NKIRAS1: variants seen among roughly 807,000 people sequenced by gnomAD.
NKIRAS1 encodes NFKB inhibitor interacting Ras like 1, also known as NF-kappa-B inhibitor-interacting Ras-like protein 1.
In NKIRAS1, 16 loss-of-function variants were observed where a neutral mutation model predicts 19.8. That is an observed-to-expected ratio of 0.81 (90% CI 0.55 to 1.23). The LOEUF is 1.23. Among genes scored for constraint, NKIRAS1 ranks in the 50% most tolerant of loss-of-function variants. NKIRAS1 has a pLI of 0.00. For synonymous variants in NKIRAS1, 88 were observed against 79.0 expected (o/e 1.11, Z -0.61); for missense variants, 184 against 220.0 (o/e 0.84, Z 1.04).
intron 3 of NKIRAS1, among the ~76,000 whole-genome samples, chr3:23,906,889 TTTTTGTTTTG>T (rs574076153): frequency 7.9e-5 from 12 of 151,950 alleles, no homozygotes; most frequent in Admixed American, 5.9e-4. Context: ...TTAAAGCAGG[TTTTTGTTTTG>T]TTTTGTTTTG....
Position 23,910,928 on chromosome 3 carries a change from A to G in NKIRAS1, c.-17-7T>C. On this transcript the variant is annotated splice_polypyrimidine_tract_variant and splice_region_variant and intron_variant, in intron 2 of 4. Transcript: ENST00000425478. ...ATCTTCTCTCAGGATATCACTGTGG[A>G]GAGAATAACAGGTCTTTTAAATTGT... The G allele has an allele frequency of 6.3e-7, 1 of 1,578,154 alleles. No homozygotes were observed. The highest frequency in any genetic ancestry group is 8.7e-7 in the Non-Finnish European group (1 of 1,147,400).
chr3:23,930,428 T>C (rs547753954), intron 1 of NKIRAS1, among the ~76,000 whole-genome samples: 6 of 150,456 alleles, frequency 4.0e-5, no homozygotes, highest in Admixed American at 6.7e-5. Context: ...AAACCCTCCA[T>C]TGATTTTGAA....
At chr3:23,897,051 T>C (rs1702064979) in intron 4 of NKIRAS1, among the ~76,000 whole-genome samples, 1 of 151,270 alleles carries the variant, frequency 6.6e-6, no homozygotes, top group African/African-American at 2.4e-5. Flanking sequence ...TGCAAAAAAA[T>C]AAAAATAAAA....
chr3:23,932,766 AG>A (rs1192703126), intron 1 of NKIRAS1, among the ~76,000 whole-genome samples: 4 of 151,866 alleles, frequency 2.6e-5, no homozygotes, highest in Non-Finnish European at 4.4e-5. Context: ...TGCCTCTCAT[AG>A]GAAAGAGCAA....
chr3:23,907,173 C>G (rs918968576), intron 3 of NKIRAS1, among the ~76,000 whole-genome samples: 2 of 152,186 alleles, frequency 1.3e-5, no homozygotes, highest in African/African-American at 4.8e-5. Context: ...GGATTACAGG[C>G]GTGAGCCACC....
At chr3:23,920,843 ACAAAT>A, upstream of NKIRAS1, 1 of 888,408 alleles carries the variant, frequency 1.1e-6, no homozygotes, top group Non-Finnish European at 1.3e-6. Flanking sequence ...TTAAACTAAA[ACAAAT>A]GGACCTTCTG....
In NKIRAS1 at chr3:23,933,868, C is replaced by T. The variant is rs151061418; in HGVS notation, c.-140+12455G>A. 2.0e-5 allele frequency among the ~76,000 whole-genome samples: 3 copies of T among 152,192 alleles called. No individual in the cohort carries two copies. The East Asian group carries it at 5.8e-4, about 29-fold the overall frequency. The stretch of plus-strand genomic sequence containing the variant: ...GTAAGTTGGGTGTCTGGTAAAGGGC[C>T]CAGTCTCTGCTTCCAAGATGGCGCC... On this transcript the variant is annotated intron_variant, in intron 1 of 4. Coordinates refer to the NKIRAS1 transcript ENST00000421515.
At chr3:23,935,979 A>C (rs1253984774) in intron 1 of NKIRAS1, among the ~76,000 whole-genome samples, 1 of 146,192 alleles carries the variant, frequency 6.8e-6, no homozygotes, top group East Asian at 2.2e-4. Flanking sequence ...GCTTCTTGAG[A>C]TGTTCAAGTG....
chr3:23,918,873 A>G (rs775671357), upstream of NKIRAS1: 646 of 507,210 alleles, frequency 1.3e-3, 6 homozygotes, highest in Admixed American at 1.1e-3. Flanking sequence ...TTAAAGCTAA[A>G]CGTTGCTGAG....
chr3:23,903,383 A>C (rs1435319226), intron 3 of NKIRAS1, among the ~76,000 whole-genome samples: 1 of 152,102 alleles, frequency 6.6e-6, no homozygotes, highest in African/African-American at 2.4e-5. Flanking sequence ...CCAAAGTGCT[A>C]GGATTACAGG....
At chr3:23,914,930 G>C (rs1201289555) in intron 1 of NKIRAS1, among the ~76,000 whole-genome samples, 2 of 152,174 alleles carry the variant, frequency 1.3e-5, no homozygotes, top group Admixed American at 6.5e-5. Flanking sequence ...CAACTTTTTA[G>C]TCATCCTCAC....
At chr3:23,921,853 G>A, upstream of NKIRAS1, 1 of 510,558 alleles carries the variant, frequency 2.0e-6, no homozygotes, top group Non-Finnish European at 3.4e-6. Flanking sequence ...GGGATTACAG[G>A]CGTGAGCCAC....
At chr3:23,923,874 T>C (rs983444373) in intron 1 of NKIRAS1, 14 of 152,184 alleles carry the variant, frequency 9.2e-5, no homozygotes, top group African/African-American at 3.4e-4. Flanking sequence ...TAGGGGGAAA[T>C]GATACTCTTC....
intron 1 of NKIRAS1, among the ~76,000 whole-genome samples, chr3:23,931,989 A>G (rs1377155292): frequency 6.6e-6 from 1 of 152,098 alleles, no homozygotes; most frequent in African/African-American, 2.4e-5. Context: ...TTGAGGGGAG[A>G]GATGTGGGAG....
intron 1 of NKIRAS1, among the ~76,000 whole-genome samples, chr3:23,929,558 T>C (rs1218675825): frequency 6.6e-6 from 1 of 151,960 alleles, no homozygotes; most frequent in Non-Finnish European, 1.5e-5. Context: ...TCCTGAGTAG[T>C]AGGGACTAGA....
In NKIRAS1 at chr3:23,894,261, C is replaced by T. The variant is rs573399525; in HGVS notation, c.337-924G>A. ...TAGTGCCCGTAAAGATTACACAAGA[C>T]GATGTGACAGTAGACAATGGGCAGC... On this transcript the variant is annotated intron_variant, in intron 4 of 4. Coordinates refer to ENST00000425478, the MANE Select transcript of NKIRAS1 (RefSeq NM_020345.4). 4.6e-5 allele frequency among the ~76,000 whole-genome samples: 7 copies of T among 152,270 alleles called. 1 individual carries two copies. The South Asian group carries it at 1.0e-3, about 23-fold the overall frequency.
At chr3:23,913,778 C>A (rs1390162542) in intron 1 of NKIRAS1, among the ~76,000 whole-genome samples, 3 of 152,188 alleles carry the variant, frequency 2.0e-5, no homozygotes, top group Non-Finnish European at 4.4e-5. Flanking sequence ...TGAATGGGCA[C>A]TGAATCACAT....
rs180945798 is a variant in NKIRAS1 at position 23,922,928 on chromosome 3, C to G, written c.-139-11478G>C. The stretch of plus-strand genomic sequence containing the variant: ...AAGCAATCCTCCCACCTCAGCCTGT[C>G]GAGTAGCTGGAACCACAGGTGCACA... On this transcript the variant is annotated intron_variant, in intron 1 of 4. Coordinates refer to the NKIRAS1 transcript ENST00000421515. The surrounding 1 kb of genome is among the most constrained non-coding windows in gnomAD (Gnocchi z 4.2). The G allele has an allele frequency of 2.0e-5, 3 of 152,188 alleles. No individual in the cohort carries two copies. Among genetic ancestry groups the G allele is most frequent in the African/African-American group, 7.2e-5 (3 of 41,380 alleles). The allele number at this position is 152,188 out of a possible 1,614,324, so 9.4% of individuals were successfully genotyped here.
chr3:23,917,634 GC>G, upstream of NKIRAS1: 1 of 500,130 alleles, frequency 2.0e-6, no homozygotes, highest in Non-Finnish European at 3.5e-6. Context: ...ACCAAAACGT[GC>G]CGAGCACCGC....
Sources: gnomAD v4.1 joint callset for allele counts (sites outside exome capture counted in the v4.1 genomes callset) on GRCh38, gnomAD v4.1.1 for gene constraint, Gnocchi (gnomAD v3.1) non-coding constraint, MANE v1.5 for transcripts, NCBI Gene and HGNC (gene_info 2026-07-23, HGNC 2026-07-21) for gene names.